The following MYO10 variants were observed in gnomAD, a reference collection of about 807,000 sequenced individuals.
MYO10 encodes unconventional myosin-X.
MYO10 carries 133 observed loss-of-function variants against 257.3 expected under a neutral mutation model. That is an observed-to-expected ratio of 0.52 (90% confidence interval 0.45 to 0.60). The LOEUF is 0.60. Among genes scored for constraint, MYO10 ranks in the 20% least tolerant of loss-of-function variants. The pLI is 0.00. For missense variants in MYO10, 2,399 were observed against 2,635.7 expected, an observed-to-expected ratio of 0.91 and a Z score of 1.97; for synonymous variants, 1,104 against 1,028.6, an observed-to-expected ratio of 1.07 and a Z score of -1.40.
intron 2 of MYO10, among the ~76,000 whole-genome samples, chr5:16,871,892 G>T (rs964146118): frequency 6.6e-6 from 1 of 152,124 alleles, no homozygotes; most frequent in Non-Finnish European, 1.5e-5. Flanking sequence ...AATTATACTT[G>T]TTATATTTGG....
intron 3 of MYO10, among the ~76,000 whole-genome samples, chr5:16,816,633 C>T (rs1489407750): frequency 1.3e-5 from 2 of 151,204 alleles, no homozygotes; most frequent in South Asian, 2.1e-4. Flanking sequence ...CAGGTTCAAG[C>T]GATTCTCCTG....
intron 18 of MYO10, among the ~76,000 whole-genome samples, chr5:16,757,087 C>T (rs34947778): frequency 0.21 from 30,533 of 146,074 alleles, 3,322 homozygotes; most frequent in South Asian, 0.28. Flanking sequence ...CCATTGCATT[C>T]CAGCCTGGGT....
rs140829696 is a variant in MYO10, at chr5:16,847,056, T to C, written c.121-28889A>G. Reference sequence around the variant, plus strand: ...TCACTTGAACCCAGAAGACAGAGATTGCAGTAAGCCGAGATTGCACCACTG... The same window carrying C: ...TCACTTGAACCCAGAAGACAGAGATCGCAGTAAGCCGAGATTGCACCACTG... On this transcript the variant is annotated intron_variant, in intron 2 of 40. Transcript: ENST00000513610. 5.8e-3 allele frequency among the ~76,000 whole-genome samples: 889 copies of C among 152,052 alleles called. 14 individuals are homozygous for C. Among genetic ancestry groups the C allele is most frequent in the African/African-American group, 0.02 (826 of 41,430 alleles).
chr5:16,738,748 G>T (rs961743454), intron 19 of MYO10, among the ~76,000 whole-genome samples: 2 of 151,836 alleles, frequency 1.3e-5, no homozygotes, highest in Admixed American at 6.6e-5. Context: ...AAAATTAGCT[G>T]GGCGTGGTGG....
At chr5:16,681,676 A>G (rs1168599912) in intron 31 of MYO10, among the ~76,000 whole-genome samples, 173 bp from the exon 32 acceptor site, 1 of 152,220 alleles carries the variant, frequency 6.6e-6, no homozygotes, top group Non-Finnish European at 1.5e-5. Context: ...GAAAAGCCCA[A>G]AATCACAACT....
At chr5:16,854,757 C>A (rs1263087550) in intron 2 of MYO10, among the ~76,000 whole-genome samples, 8 of 152,170 alleles carry the variant, frequency 5.3e-5, no homozygotes, top group African/African-American at 1.4e-4. Flanking sequence ...ATTGGCCGGG[C>A]ATGGTGGCTC....
At chr5:16,802,655 T>TAAA (rs372258804) in intron 3 of MYO10, among the ~76,000 whole-genome samples, 1 of 100,994 alleles carries the variant, frequency 9.9e-6, no homozygotes, top group Non-Finnish European at 1.9e-5. Flanking sequence ...AGACTGTCTC[T>TAAA]AAAAAAAAAA....
At chr5:16,676,244 A>T in intron 33 of MYO10, 90 bp from the exon 34 acceptor site, 1 of 1,466,550 alleles carries the variant, frequency 6.8e-7, no homozygotes, top group Non-Finnish European at 9.2e-7. Context: ...CCATAAACCT[A>T]GTGGGGCAAA....
At chr5:16,769,398 G>A (rs57743491) in intron 9 of MYO10, among the ~76,000 whole-genome samples, 195 bp from the exon 10 acceptor site, 250 of 152,236 alleles carry the variant, frequency 1.6e-3, no homozygotes, top group African/African-American at 5.3e-3. Context: ...GCAGTGGCAC[G>A]ATCTTGGCTC....
chr5:16,910,570 T>C (rs1041325704), intron 1 of MYO10, among the ~76,000 whole-genome samples: 1 of 152,254 alleles, frequency 6.6e-6, no homozygotes, highest in African/African-American at 2.4e-5. Context: ...TTATTATAAT[T>C]AGTAAAAACT....
intron 1 of MYO10, among the ~76,000 whole-genome samples, chr5:16,896,827 A>C (rs1745232294): frequency 1.3e-5 from 2 of 152,236 alleles, no homozygotes; most frequent in South Asian, 4.2e-4. Flanking sequence ...TGGTTACCAA[A>C]AACACAAGGG....
chr5:16,756,103 C>T (rs191899521), intron 18 of MYO10, among the ~76,000 whole-genome samples: 46 of 152,272 alleles, frequency 3.0e-4, no homozygotes, highest in Non-Finnish European at 5.9e-4. Context: ...GACAGGGTCT[C>T]ATTCTGCCAC....
At chr5:16,792,055 C>A in intron 4 of MYO10, among the ~76,000 whole-genome samples, 1 of 149,986 alleles carries the variant, frequency 6.7e-6, no homozygotes, top group African/African-American at 2.5e-5. Flanking sequence ...CTTTAGGTAA[C>A]GAGAAGACAG....
intron 4 of MYO10, among the ~76,000 whole-genome samples, chr5:16,785,412 T>C (rs1422805026): frequency 2.0e-5 from 3 of 152,236 alleles, no homozygotes; most frequent in African/African-American, 7.2e-5. Flanking sequence ...CATATCTATA[T>C]TGACGCGACA....
intron 1 of MYO10, among the ~76,000 whole-genome samples, chr5:16,901,352 C>T (rs1745373531): frequency 6.6e-6 from 1 of 152,146 alleles, no homozygotes; most frequent in African/African-American, 2.4e-5. Context: ...GCCAGACCAC[C>T]CGTGCTGGTT....
rs764965168 is a variant in MYO10, at chr5:16,764,238, T to C, written c.1326+12A>G. 4.3e-6 allele frequency: 7 copies of C among 1,613,686 alleles called. No individual in the cohort carries two copies. In the African/African-American group the frequency reaches 5.3e-5, roughly 12 times the overall value. ...GAAGAGAATTCACGTGCTGCACTGT[T>C]AGGAAACCTACCTCAAAGTTTTCAA... On this transcript the variant is annotated intron_variant, in intron 12 of 40. Coordinates refer to ENST00000513610, the MANE Select transcript of MYO10 (RefSeq NM_012334.3).
intron 18 of MYO10, among the ~76,000 whole-genome samples, chr5:16,757,288 T>TCACACA (rs1216224852): frequency 1.7e-5 from 2 of 118,896 alleles, no homozygotes. Flanking sequence ...AGACCCTGTC[T>TCACACA]CACACACACA....
At chr5:16,915,415 G>C (rs949177433) in intron 1 of MYO10, among the ~76,000 whole-genome samples, 1 of 152,170 alleles carries the variant, frequency 6.6e-6, no homozygotes, top group Admixed American at 6.6e-5. Flanking sequence ...TTATTTTTAA[G>C]GGTTTATAGA....
At chr5:16,763,899 C>A (rs935824152) in intron 12 of MYO10, 144 bp from the exon 13 acceptor site, 1 of 666,252 alleles carries the variant, frequency 1.5e-6, no homozygotes, top group African/African-American at 1.8e-5. Context: ...TATCCCAGCA[C>A]TTTGGGAGGC....
Sources: allele counts gnomAD v4.1 joint callset (sites outside exome capture counted in the v4.1 genomes callset), GRCh38; gene constraint gnomAD v4.1.1; transcripts MANE v1.5; gene names NCBI Gene and HGNC (gene_info 2026-07-23, HGNC 2026-07-21).